The following CCDC88A variants were observed in gnomAD, a reference collection of about 807,000 sequenced individuals.
CCDC88A encodes girdin.
A neutral mutation model predicts 234.3 loss-of-function variants in CCDC88A; 54 were observed. The observed-to-expected ratio is 0.23, with a 90% confidence interval of 0.19 to 0.29. The LOEUF (loss-of-function observed/expected upper bound fraction) is 0.29. Ranked by LOEUF, CCDC88A falls within the 10% of genes least tolerant of loss-of-function variation. The pLI is 1.00. For synonymous variants in CCDC88A, 753 were observed against 737.8 expected, an observed-to-expected ratio of 1.02 and a Z score of -0.33; for missense variants, 1,832 against 2,123.4, an observed-to-expected ratio of 0.86 and a Z score of 2.70.
chr2:55,418,479 T>G (rs953144785), intron 2 of CCDC88A: 3 of 264,336 alleles, frequency 1.1e-5, no homozygotes, highest in African/African-American at 6.5e-5. Context: ...AAGTCTTTTT[T>G]CCTCTCTTAG....
At chr2:55,359,196 AT>A (rs1296674717) in intron 7 of CCDC88A, among the ~76,000 whole-genome samples, 2 of 152,234 alleles carry the variant, frequency 1.3e-5, no homozygotes, top group Middle Eastern at 3.4e-3. Context: ...CTAGCATAGT[AT>A]TTTACACAAA....
chr2:55,296,833 A>G (rs1035645036), intron 29 of CCDC88A: 17 of 236,940 alleles, frequency 7.2e-5, no homozygotes, highest in Non-Finnish European at 1.1e-4. Flanking sequence ...TTTTGAGTAA[A>G]TGAATGAATA....
intron 25 of CCDC88A, among the ~76,000 whole-genome samples, chr2:55,305,136 G>A (rs972095379): frequency 6.6e-6 from 1 of 152,190 alleles, no homozygotes; most frequent in Non-Finnish European, 1.5e-5. Context: ...AAACAAAGCT[G>A]AGTGGTTGCA....
intron 2 of CCDC88A, among the ~76,000 whole-genome samples, chr2:55,410,448 G>A (rs1680284319): frequency 6.6e-6 from 1 of 152,230 alleles, no homozygotes; most frequent in Non-Finnish European, 1.5e-5. Context: ...TATAGATAAT[G>A]ATTTGTTGGC....
intron 8 of CCDC88A, among the ~76,000 whole-genome samples, chr2:55,351,779 T>C (rs1238258044): frequency 3.9e-5 from 6 of 152,202 alleles, no homozygotes; most frequent in Admixed American, 3.9e-4. Flanking sequence ...TGAATGTTCA[T>C]AGCAGCATTA....
chr2:55,360,732 C>CA (rs1553416532), intron 7 of CCDC88A, among the ~76,000 whole-genome samples: 5 of 151,766 alleles, frequency 3.3e-5, no homozygotes, highest in African/African-American at 1.2e-4. Flanking sequence ...TGGGATCAAA[C>CA]TTTTTTTTTG....
intron 6 of CCDC88A, chr2:55,363,619 T>A: frequency 5.5e-6 from 1 of 182,084 alleles, no homozygotes; most frequent in Middle Eastern, 2.2e-3. Context: ...TACCTCACTA[T>A]CGTTTTGAAT....
intron 25 of CCDC88A, among the ~76,000 whole-genome samples, chr2:55,306,469 A>G (rs1397041696): frequency 1.3e-5 from 2 of 152,156 alleles, no homozygotes; most frequent in East Asian, 1.9e-4. Flanking sequence ...ATATGTGTGT[A>G]TATGTACATA....
intron 2 of CCDC88A, among the ~76,000 whole-genome samples, chr2:55,395,652 G>C (rs780105251): frequency 6.6e-6 from 1 of 152,118 alleles, no homozygotes; most frequent in Non-Finnish European, 1.5e-5. Flanking sequence ...CGAAAGTTAC[G>C]AGCTGACAAC....
At chr2:55,376,323 T>C (rs1673651485) in intron 3 of CCDC88A, among the ~76,000 whole-genome samples, 1 of 152,250 alleles carries the variant, frequency 6.6e-6, no homozygotes, top group Non-Finnish European at 1.5e-5. Flanking sequence ...AACTAGTTGC[T>C]GAGGAATACG....
chr2:55,321,507 C>T (rs1266138981), intron 18 of CCDC88A, among the ~76,000 whole-genome samples: 2 of 152,082 alleles, frequency 1.3e-5, no homozygotes. Flanking sequence ...GCCGAGATCA[C>T]GCCACTGCAT....
rs1205187798 is a variant in CCDC88A, at chr2:55,295,944, A to T, written c.5204T>A (p.Val1735Glu). 1 of 1,614,140 alleles carries T rather than the reference A, an allele frequency of 6.2e-7. No homozygotes were observed. The highest frequency in any genetic ancestry group is 8.5e-7 in the Non-Finnish European group (1 of 1,180,014). ...KPVSCGLARSVSGKTPGDFYD... is the reference protein window; with the variant it reads ...KPVSCGLARSESGKTPGDFYD... ...GAAGTCCCCTGGGGTTTTTCCACTT[A>T]CTGACCTGGCCAGACCACAGCTAAC... Residue 1735 changes from valine (V) to glutamate (E), a missense_variant, in exon 31 of 33, where the codon GTA becomes GAA. Physicochemically the swap from Val to Glu is moderately radical, Grantham distance 121 (BLOSUM62 -2). This residue lies in a region of CCDC88A where 422 missense variants were observed against 416.5 expected (regional missense o/e 1.01). Coordinates refer to ENST00000436346, the MANE Select transcript of CCDC88A (RefSeq NM_001365480.1).
chr2:55,378,720 A>AT lies in CCDC88A; in HGVS notation c.274-3838dup, dbSNP rs199508360. On this transcript the variant is annotated intron_variant, in intron 3 of 32. Coordinates refer to ENST00000436346, the MANE Select transcript of CCDC88A (RefSeq NM_001365480.1). ...GGTTACCCTATGGGTTCTTCAGAGG[A>AT]TTTTTTATACACATATACTTTTTTT... Among the ~76,000 whole-genome samples, 1,336 of 150,474 alleles carry AT rather than the reference A, an allele frequency of 8.9e-3. 21 individuals are homozygous for AT. The highest frequency in any genetic ancestry group is 0.031 in the African/African-American group (1,261 of 40,856).
intron 3 of CCDC88A, among the ~76,000 whole-genome samples, chr2:55,379,103 A>G (rs1674170601): frequency 6.6e-6 from 1 of 152,140 alleles, no homozygotes; most frequent in African/African-American, 2.4e-5. Context: ...CAATTTTATG[A>G]GTAATATTAA....
Position 55,301,237 on chromosome 2 carries a change from A to C in CCDC88A, c.4713T>G (p.Ser1571Arg). 6.3e-7 allele frequency: 1 copy of C among 1,598,518 alleles called. No homozygotes were observed. Among genetic ancestry groups the C allele is most frequent in the Non-Finnish European group, 8.6e-7 (1 of 1,169,000 alleles). The change falls in exon 28 of 33, where the codon AGT (serine) becomes AGG (arginine). Residue 1571 changes from serine to arginine, a missense_variant. Coordinates refer to ENST00000436346, the MANE Select transcript of CCDC88A (RefSeq NM_001365480.1). ...SFEDISPQGV[S>R]DDSSTGSRVH... ...CTCTTGATCCCGTACTAGAATCATC[A>C]CTAACACCTTGTGGACTTATGTCTT...
At chr2:55,368,856 T>C (rs1320233768) in intron 5 of CCDC88A, among the ~76,000 whole-genome samples, 1 of 152,196 alleles carries the variant, frequency 6.6e-6, no homozygotes, top group Non-Finnish European at 1.5e-5. Context: ...TACAAAATAT[T>C]CCAACAATAC....
chr2:55,412,166 T>C (rs1680611255), intron 2 of CCDC88A, among the ~76,000 whole-genome samples: 1 of 152,198 alleles, frequency 6.6e-6, no homozygotes, highest in Admixed American at 6.5e-5. Context: ...TAGTGATACA[T>C]GCTAAGTACT....
At chr2:55,376,856 G>A (rs1388559216) in intron 3 of CCDC88A, among the ~76,000 whole-genome samples, 1 of 152,100 alleles carries the variant, frequency 6.6e-6, no homozygotes, top group African/African-American at 2.4e-5. Context: ...TTTTGAGACG[G>A]AGTCTCGCTC....
At chr2:55,331,166 G>GTACAACA (rs1684868988) in intron 16 of CCDC88A, among the ~76,000 whole-genome samples, 3 of 152,208 alleles carry the variant, frequency 2.0e-5, no homozygotes, top group Non-Finnish European at 4.4e-5. Flanking sequence ...ATGCAGTACA[G>GTACAACA]TGTCTTACAT....
Sources: gnomAD v4.1 joint callset for allele counts (sites outside exome capture counted in the v4.1 genomes callset) on GRCh38, gnomAD v4.1.1 for gene constraint, gnomAD v4.1.1 regional missense constraint, MANE v1.5 for transcripts, NCBI Gene and HGNC (gene_info 2026-07-23, HGNC 2026-07-21) for gene names.